Variants in ZNF546 observed in about 807,000 individuals in gnomAD.
ZNF546 encodes the protein zinc finger protein 546.
In ZNF546, 60 loss-of-function variants were observed where a neutral mutation model predicts 76.2. The observed-to-expected ratio is 0.79, with a 90% confidence interval of 0.64 to 0.98. ZNF546 has a LOEUF of 0.98. Ranked by LOEUF, ZNF546 falls within the 50% of genes least tolerant of loss-of-function variation. The pLI is 0.00. For synonymous variants in ZNF546, 277 were observed against 328.1 expected, an observed-to-expected ratio of 0.84 and a Z score of 1.68; for missense variants, 936 against 1,035.6, an observed-to-expected ratio of 0.90 and a Z score of 1.32.
chr19:40,012,883 G>A (rs1433335785), intron 6 of ZNF546, among the ~76,000 whole-genome samples: 2 of 149,420 alleles, frequency 1.3e-5, no homozygotes, highest in South Asian at 2.1e-4. Context: ...GCACAATCTT[G>A]GCTCACTGCA....
At chr19:40,006,272 A>G (rs1296493712) in intron 4 of ZNF546, 90 bp downstream of exon 4, 2 of 1,226,036 alleles carry the variant, frequency 1.6e-6, no homozygotes, top group East Asian at 2.3e-5. Flanking sequence ...CCTTCCTAAG[A>G]CAACCCTGTT....
At chr19:40,005,239 C>T (rs755706246) in intron 3 of ZNF546, among the ~76,000 whole-genome samples, 18 of 151,766 alleles carry the variant, frequency 1.2e-4, no homozygotes, top group South Asian at 4.2e-4. Flanking sequence ...AGGCTGGTTT[C>T]GAACTCCTGA....
In ZNF546 at chr19:40,000,140, G is replaced by T. The variant is rs529092891; in HGVS notation, c.84+1730G>T. Among the ~76,000 whole-genome samples, 13 of 152,158 alleles carry T rather than the reference G, an allele frequency of 8.5e-5. No individual in the cohort carries two copies. The East Asian group carries it at 1.7e-3, about 20-fold the overall frequency. On this transcript the variant is annotated intron_variant, in intron 3 of 6. Transcript: ENST00000347077. ...CTTTGAGAAATTTACACCTTTTAGG[G>T]TTATATAAACCAATCAAGGATAATT...
Position 40,006,155 on chromosome 19 carries a change from T to G in ZNF546, c.144T>G (p.Ser48Arg). 3 of 1,613,846 alleles carry G rather than the reference T, an allele frequency of 1.9e-6. No homozygotes were observed. Among genetic ancestry groups the G allele is most frequent in the Non-Finnish European group, 2.5e-6 (3 of 1,179,904 alleles). ...AGGAAACTCAAGGAGAACTGACAAG[T>G]TCTTGTGGTTCTAAAACCATGGCCA... ...SMEETQGELT[S>R]SCGSKTMANV... Residue 48 changes from serine (S) to arginine (R), a missense_variant, in exon 4 of 7, where the codon AGT becomes AGG. Ser to Arg is a moderately radical substitution (Grantham distance 110, BLOSUM62 -1). Coordinates refer to ENST00000347077, the MANE Select transcript of ZNF546 (RefSeq NM_178544.5).
Position 39,998,261 on chromosome 19 carries a change from T to C in ZNF546, c.-66T>C. On this transcript the variant is annotated 5_prime_UTR_variant, in exon 3 of 7. Transcript: ENST00000347077. Reference sequence around the variant, plus strand: ...TTTTGTTTTTAGGAAATGGAAACATTGCTTTGCTTTTCCTGAATTGTCCAG... The same window carrying C: ...TTTTGTTTTTAGGAAATGGAAACATCGCTTTGCTTTTCCTGAATTGTCCAG... The C allele has an allele frequency of 1.6e-6, 2 of 1,265,464 alleles. No homozygotes were observed. 78.4% of individuals were successfully genotyped at this position (1,265,464 alleles called of 1,614,324 possible).
chr19:40,006,323 G>T (rs1971602374), intron 4 of ZNF546, 141 bp downstream of exon 4: 1 of 676,698 alleles, frequency 1.5e-6, no homozygotes. Flanking sequence ...TACAGTGAAG[G>T]ATAGTGCCAA....
In ZNF546 at chr19:40,008,548, C is replaced by T; in HGVS notation, c.377C>T (p.Thr126Ile). 3 of 1,612,650 alleles carry T rather than the reference C, an allele frequency of 1.9e-6. No homozygotes were observed. The highest frequency in any genetic ancestry group is 2.5e-6 in the Non-Finnish European group (3 of 1,178,990). ...KEPWIVMREG[T>I]RNWFTDLEYK... ...CCCTGGATAGTAATGAGGGAAGGGACAAGGAATTGGTTCACAGGTGAGTGA... is the reference window on the plus strand; with the variant it reads ...CCCTGGATAGTAATGAGGGAAGGGATAAGGAATTGGTTCACAGGTGAGTGA... The change falls in exon 6 of 7, where the codon ACA becomes ATA. Residue 126 changes from threonine to isoleucine, a missense_variant. Transcript: ENST00000347077.
At chr19:40,001,784 T>C (rs1419294786) in intron 3 of ZNF546, among the ~76,000 whole-genome samples, 1 of 152,198 alleles carries the variant, frequency 6.6e-6, no homozygotes, top group Non-Finnish European at 1.5e-5. Context: ...AAAATGGGCA[T>C]GAGACTCAAA....
chr19:39,999,670 G>A (rs1344198470), intron 3 of ZNF546: 2 of 151,740 alleles, frequency 1.3e-5, no homozygotes, highest in African/African-American at 4.9e-5. Flanking sequence ...CCATCTCCCA[G>A]GTTCAAGAAA....
At chr19:40,008,612 C>A in intron 6 of ZNF546, 47 bp downstream of exon 6, 1 of 1,480,808 alleles carries the variant, frequency 6.8e-7, no homozygotes, top group Non-Finnish European at 9.4e-7. Flanking sequence ...CAAGTTATGA[C>A]CCATGATGTC....
At chr19:40,002,698 C>CTTTTT (rs34367306) in intron 3 of ZNF546, among the ~76,000 whole-genome samples, 2 of 140,244 alleles carry the variant, frequency 1.4e-5, no homozygotes, top group South Asian at 2.2e-4. Context: ...GGGAAACTAA[C>CTTTTT]TTTTTTTTTT....
chr19:40,013,573 A>C, intron 6 of ZNF546, 92 bp from the exon 7 acceptor site: 1 of 1,004,114 alleles, frequency 1.0e-6, no homozygotes, highest in Non-Finnish European at 1.4e-6. Context: ...TATTTCTACT[A>C]TGAGGTACAA....
chr19:40,009,252 G>A (rs1000914246), intron 6 of ZNF546, among the ~76,000 whole-genome samples: 8 of 152,224 alleles, frequency 5.3e-5, no homozygotes, highest in Non-Finnish European at 8.8e-5. Flanking sequence ...CAAAGGTTCT[G>A]AGATGAAGAA....
chr19:40,000,417 G>A (rs1318671569), intron 3 of ZNF546, among the ~76,000 whole-genome samples: 1 of 152,004 alleles, frequency 6.6e-6, no homozygotes, highest in Non-Finnish European at 1.5e-5. Context: ...GAGGTCAGGA[G>A]TTCAAGACCA....
rs1265697073 is a variant in ZNF546 at position 40,013,871 on chromosome 19, C to T, written c.601C>T (p.Gln201Ter). The change falls in exon 7 of 7, where the codon CAA becomes TAA. Residue 201 changes from glutamine (Q) to a stop codon, truncating the protein, a stop_gained. Coordinates refer to ENST00000347077, the MANE Select transcript of ZNF546 (RefSeq NM_178544.5). LOFTEE classifies it high-confidence loss of function. Reference sequence around the variant, plus strand: ...CGTTAGTCAAATGCTAATCCAAAAACAAATATCTCATCCTCTACATCCAAA... The same window carrying T: ...CGTTAGTCAAATGCTAATCCAAAAATAAATATCTCATCCTCTACATCCAAA... ...GCVSQMLIQK[Q>*]ISHPLHPKIH... is the part of the protein sequence containing the mutation. The T allele has an allele frequency of 1.9e-6, 3 of 1,607,510 alleles. No individual in the cohort carries two copies. The highest frequency in any genetic ancestry group is 2.7e-5 in the African/African-American group (2 of 74,654).
intron 4 of ZNF546, 65 bp from the exon 5 acceptor site, chr19:40,007,209 C>A (rs771077363): frequency 7.4e-7 from 1 of 1,344,970 alleles, no homozygotes; most frequent in Non-Finnish European, 9.8e-7. Flanking sequence ...TTCTTTCCTG[C>A]AAAGCAGTTT....
At chr19:40,007,445 TC>T in intron 5 of ZNF546, 45 bp downstream of exon 5, 1 of 1,507,252 alleles carries the variant, frequency 6.6e-7, no homozygotes. Context: ...TTCTGGAGTA[TC>T]AGCTTTCTCC....
rs1296312110 is a variant in ZNF546 at position 40,013,900 on chromosome 19, T to A, written c.630T>A (p.Ile210=). The change falls in exon 7 of 7, where the codon ATT becomes ATA. Residue 210 remains isoleucine (I), a synonymous_variant. Transcript: ENST00000347077. ...TATCTCATCCTCTACATCCAAAAAT[T>A]CATGCTAGAGAGAAATCATATGAAT... ...KQISHPLHPK[I]HAREKSYECK... 1 of 1,607,602 alleles carries A rather than the reference T, an allele frequency of 6.2e-7. No homozygotes were observed. The highest frequency in any genetic ancestry group is 8.5e-7 in the Non-Finnish European group (1 of 1,176,636).
rs1168595209 is a variant in ZNF546 at position 40,019,628 on chromosome 19, TAC to T, written c.*3850_*3851del. Reference sequence around the variant, plus strand: ...ATATCAAAATTTCACTAGCTCTTTCTACACTGATATTATAATCCTGATAATAC... The same window carrying T: ...ATATCAAAATTTCACTAGCTCTTTCTACTGATATTATAATCCTGATAATAC... On this transcript the variant is annotated 3_prime_UTR_variant, in exon 7 of 7. Coordinates refer to ENST00000347077, the MANE Select transcript of ZNF546 (RefSeq NM_178544.5). 1.1e-4 allele frequency: 17 copies of T among 152,350 alleles called. 1 individual carries two copies. The highest frequency in any genetic ancestry group is 9.8e-4 in the Admixed American group (15 of 15,306). 9.4% of individuals were successfully genotyped at this position (152,350 alleles called of 1,614,324 possible). A position where few individuals can be genotyped will look rare whatever the true frequency, so the allele number is the denominator to read the frequency against.
Sources: gnomAD v4.1 joint callset for allele counts (sites outside exome capture counted in the v4.1 genomes callset) on GRCh38, gnomAD v4.1.1 for gene constraint, MANE v1.5 for transcripts, NCBI Gene and HGNC (gene_info 2026-07-23, HGNC 2026-07-21) for gene names.